Variants in PEX11G observed in about 807,000 individuals in gnomAD.
PEX11G encodes the protein peroxisomal biogenesis factor 11 gamma.
Under a neutral mutation model 22.5 loss-of-function variants are expected in PEX11G, and 20 were observed. The ratio of observed to expected loss-of-function variants is 0.89; its 90% CI spans 0.62 to 1.29. The LOEUF is 1.29. PEX11G is among the 50% of genes most tolerant of loss of function. The probability of loss-of-function intolerance (pLI) is 0.00; values close to 1 mark genes in which losing one functional copy is unlikely to be tolerated. For missense variants in PEX11G, 347 were observed against 331.3 expected, an observed-to-expected ratio of 1.05 and a Z score of -0.37; for synonymous variants, 141 against 154.5, an observed-to-expected ratio of 0.91 and a Z score of 0.65.
rs1033207841 is a variant in PEX11G at position 7,488,907 on chromosome 19, G to A, written c.60+44C>T. 10 of 1,542,022 alleles carry A rather than the reference G, an allele frequency of 6.5e-6. No homozygotes were observed. In the Admixed American group the frequency reaches 1.4e-4, roughly 21 times the overall value. ...GCCCGTTTCCCAGTCTCTGAGCTTG[G>A]GCCAAACTCTAGGACCTCCGGCCCC... is the stretch of plus-strand genomic sequence containing the variant. On this transcript the variant is annotated intron_variant, in intron 1 of 4. Coordinates refer to ENST00000221480, the MANE Select transcript of PEX11G (RefSeq NM_080662.4).
At chr19:7,484,311 G>A (rs967129125) in intron 2 of PEX11G, among the ~76,000 whole-genome samples, 2 of 151,920 alleles carry the variant, frequency 1.3e-5, no homozygotes, top group Non-Finnish European at 2.9e-5. Flanking sequence ...CCATGATCAC[G>A]CCACTGTACT....
intron 2 of PEX11G, 98 bp from the exon 3 acceptor site, chr19:7,482,309 C>T (rs1977533597): frequency 7.4e-7 from 1 of 1,357,748 alleles, no homozygotes; most frequent in Non-Finnish European, 9.8e-7. Flanking sequence ...ATTTCCTGAC[C>T]CCAGTCCCTG....
At chr19:7,485,113 C>A (rs1252296984) in intron 2 of PEX11G, among the ~76,000 whole-genome samples, 1 of 152,182 alleles carries the variant, frequency 6.6e-6, no homozygotes. Context: ...GCTATGGTCA[C>A]TCCACTGCAC....
upstream of PEX11G, chr19:7,489,085 C>A: frequency 2.2e-6 from 3 of 1,390,272 alleles, 1 homozygote; most frequent in Middle Eastern, 5.2e-4. Context: ...ACCGGGAGCG[C>A]CCCAAAGGCT....
Position 7,476,951 on chromosome 19 carries a change from T to C in PEX11G, c.*251A>G. On this transcript the variant is annotated 3_prime_UTR_variant, in exon 5 of 5. Transcript: ENST00000221480. ...ACAGGCCCCCTCTTCCTCATCTTGA[T>C]TTGGATACAAGACGCCAGCTGGCAG... 2.5e-6 allele frequency: 1 copy of C among 406,914 alleles called. No homozygotes were observed. Among genetic ancestry groups the C allele is most frequent in the Non-Finnish European group, 4.3e-6 (1 of 230,506 alleles). The allele number at this position is 406,914 out of a possible 1,614,324, so 25.2% of individuals were successfully genotyped here.
At chr19:7,477,838 G>A (rs1200446339) in intron 4 of PEX11G, among the ~76,000 whole-genome samples, 1 of 152,122 alleles carries the variant, frequency 6.6e-6, no homozygotes, top group Non-Finnish European at 1.5e-5. Flanking sequence ...CCAATATGGC[G>A]AGACCCCATC....
rs144230456 is a variant in PEX11G, at chr19:7,477,342, C to T, written c.586G>A (p.Val196Met). 1.1e-4 allele frequency: 176 copies of T among 1,557,964 alleles called. No individual in the cohort carries two copies. Among genetic ancestry groups the T allele is most frequent in the Middle Eastern group, 3.4e-4 (2 of 5,918 alleles). ...AGCACGCCCCGGGGCAGCCAGTGCA[C>T]GGCGTTGGCCAGGTCGGCCAGGTTG... ...LSNLADLANA[V>M]HWLPRGVLWA... The change falls in exon 5 of 5, where the codon GTG (valine) becomes ATG (methionine). Residue 196 changes from valine to methionine, a missense_variant. By Grantham distance (21) the Val-to-Met change is conservative. Transcript: ENST00000221480.
intron 2 of PEX11G, chr19:7,483,373 C>T (rs1034209224): frequency 1.3e-5 from 2 of 152,366 alleles, no homozygotes; most frequent in African/African-American, 4.8e-5. Context: ...GCTCATTCCG[C>T]CCGGATTTCC....
At chr19:7,483,043 C>A (rs1300506381) in intron 2 of PEX11G, among the ~76,000 whole-genome samples, 1 of 152,162 alleles carries the variant, frequency 6.6e-6, no homozygotes, top group Non-Finnish European at 1.5e-5. Flanking sequence ...ACTGGAGCCC[C>A]GCAGCCAACC....
intron 2 of PEX11G, among the ~76,000 whole-genome samples, chr19:7,484,900 T>C (rs2021565235): frequency 6.6e-6 from 1 of 152,228 alleles, no homozygotes; most frequent in South Asian, 2.1e-4. Context: ...CGTTTGCTAT[T>C]TTTAAAAATT....
chr19:7,477,222 C>T lies in PEX11G; in HGVS notation c.706G>A (p.Ala236Thr). ...CAGTGTCAGGGGGTAGTGGCCTCGG[C>T]CTGGCCGCCGGCCCGGGCCGCCTGG... ...MYQAARAGGQAEATTP is the reference protein window; with the variant it reads ...MYQAARAGGQTEATTP Residue 236 changes from alanine (A) to threonine (T), a missense_variant, in exon 5 of 5, where the codon GCC (alanine) becomes ACC (threonine). Transcript: ENST00000221480. 6.6e-7 allele frequency: 1 copy of T among 1,522,010 alleles called. No individual in the cohort carries two copies. Among genetic ancestry groups the T allele is most frequent in the Non-Finnish European group, 8.8e-7 (1 of 1,138,670 alleles). 94.3% of individuals were successfully genotyped at this position (1,522,010 alleles called of 1,614,324 possible). A position where few individuals can be genotyped will look rare whatever the true frequency, so the allele number is the denominator to read the frequency against.
chr19:7,480,141 G>A (rs1373573455), intron 3 of PEX11G, among the ~76,000 whole-genome samples: 1 of 151,998 alleles, frequency 6.6e-6, no homozygotes, highest in African/African-American at 2.4e-5. Flanking sequence ...TGGTGGCACA[G>A]CCTGTGGTCC....
chr19:7,482,158 C>T lies in PEX11G; in HGVS notation c.303G>A (p.Gln101=), dbSNP rs1369076022. The T allele has an allele frequency of 6.3e-7, 1 of 1,589,940 alleles. No homozygotes were observed. The highest frequency in any genetic ancestry group is 2.3e-5 in the East Asian group (1 of 43,590). ...CCACGTGCTCACAGGGGTAGTAGAG[C>T]TGGTCAGCCAGGTTCCCTAGGACGG... ...CVSVLGNLAD[Q]LYYPCEHVAW... The change falls in exon 3 of 5, where the codon CAG becomes CAA. Residue 101 remains glutamine (Q), a synonymous_variant. Transcript: ENST00000221480.
chr19:7,486,126 G>A (rs1157039760), intron 1 of PEX11G, 100 bp from the exon 2 acceptor site: 2 of 1,035,668 alleles, frequency 1.9e-6, no homozygotes, highest in Admixed American at 2.9e-5. Context: ...TTGAGAGTGT[G>A]GAAGATTCTC....
upstream of PEX11G, among the ~76,000 whole-genome samples, chr19:7,492,462 G>C (rs74340469): frequency 6.7e-6 from 1 of 149,292 alleles, no homozygotes; most frequent in African/African-American, 2.5e-5. Context: ...TTTTTTTTTT[G>C]AGACAGAGTG....
intron 2 of PEX11G, among the ~76,000 whole-genome samples, chr19:7,485,189 G>C (rs1016722239): frequency 6.6e-6 from 1 of 152,090 alleles, no homozygotes; most frequent in African/African-American, 2.4e-5. Context: ...TTTTATTTGA[G>C]ATGGAGTCTC....
At chr19:7,480,268 T>C (rs551778946) in intron 3 of PEX11G, among the ~76,000 whole-genome samples, 1 of 151,604 alleles carries the variant, frequency 6.6e-6, no homozygotes, top group East Asian at 1.9e-4. Context: ...AAAAAGTTTA[T>C]TTAAGCAAAA....
At chr19:7,489,071 G>T, upstream of PEX11G, 3 of 1,437,604 alleles carry the variant, frequency 2.1e-6, no homozygotes, top group South Asian at 2.9e-5. Context: ...GGCCAGGCCG[G>T]GGTACCGGGA....
At chr19:7,481,806 G>A (rs901183583) in intron 3 of PEX11G, among the ~76,000 whole-genome samples, 1 of 152,116 alleles carries the variant, frequency 6.6e-6, no homozygotes, top group Admixed American at 6.5e-5. Flanking sequence ...CCTAAGATAA[G>A]AAGTTTCTGT....
Sources: gnomAD v4.1 joint callset for allele counts (sites outside exome capture counted in the v4.1 genomes callset) on GRCh38, gnomAD v4.1.1 for gene constraint, MANE v1.5 for transcripts, NCBI Gene and HGNC (gene_info 2026-07-23, HGNC 2026-07-21) for gene names.